Variants in FFAR4 observed in about 807,000 individuals in gnomAD.
FFAR4 encodes free fatty acid receptor 4.
Under a neutral mutation model 27.0 loss-of-function variants are expected in FFAR4, and 19 were observed. The observed-to-expected ratio is 0.70, with a 90% CI of 0.49 to 1.03. FFAR4 has a LOEUF of 1.03. Among genes scored for constraint, FFAR4 ranks in the 50% least tolerant of loss-of-function variants. The pLI is 0.00. For synonymous variants in FFAR4, 254 were observed against 215.6 expected (o/e 1.18, Z -1.56); for missense variants, 476 against 479.0 (o/e 0.99, Z 0.06).
rs2058098970 is a variant in FFAR4 at position 93,566,831 on chromosome 10, G to C, written c.111G>C (p.Leu37=). Residue 37 remains leucine (L), a synonymous_variant, in exon 1 of 3, where the codon CTG becomes CTC. Transcript: ENST00000371481. Reference sequence around the variant, plus strand: ...CCGACGTCAAGGGCGACCACCGGCTGGTGCTGGCCGCGGTGGAGACAACCG... The same window carrying C: ...CCGACGTCAAGGGCGACCACCGGCTCGTGCTGGCCGCGGTGGAGACAACCG... The part of the protein sequence containing the change: ...FFSDVKGDHR[L]VLAAVETTVL... 6.2e-7 allele frequency: 1 copy of C among 1,601,956 alleles called. No individual in the cohort carries two copies. Among genetic ancestry groups the C allele is most frequent in the Non-Finnish European group, 8.5e-7 (1 of 1,175,928 alleles).
chr10:93,587,246 C>T lies in FFAR4; in HGVS notation c.723C>T (p.Leu241=), dbSNP rs2058233250. 6.2e-7 allele frequency: 1 copy of T among 1,613,942 alleles called. No homozygotes were observed. Among genetic ancestry groups the T allele is most frequent in the Non-Finnish European group, 8.5e-7 (1 of 1,179,888 alleles). The change falls in exon 3 of 3, where the codon CTC becomes CTT. Residue 241 remains leucine, a synonymous_variant. Coordinates refer to ENST00000371481, the MANE Select transcript of FFAR4 (RefSeq NM_001195755.2). ...LQITKASRKR[L]TVSLAYSESH... is the part of the protein sequence containing the mutation. ...TCACAAAGGCATCAAGGAAGAGGCT[C>T]ACGGTAAGCCTGGCCTACTCGGAGA...
rs1272090858 is a variant in FFAR4 at position 93,587,929 on chromosome 10, AT to A, written c.*321del. 2 of 187,228 alleles carry A rather than the reference AT, an allele frequency of 1.1e-5. No homozygotes were observed. Among genetic ancestry groups the A allele is most frequent in the Non-Finnish European group, 1.1e-5 (1 of 89,334 alleles). The allele number at this position is 187,228 out of a possible 1,614,324, so 11.6% of individuals were successfully genotyped here. On this transcript the variant is annotated 3_prime_UTR_variant, in exon 3 of 3. Transcript: ENST00000371481. The stretch of plus-strand genomic sequence containing the variant: ...GGTGAGACCCCCGTCTCTACTAAAA[AT>A]AAAAAAAAAAATTAGCTGGGAGTGG...
chr10:93,584,597 T>C (rs36039923), intron 2 of FFAR4, among the ~76,000 whole-genome samples: 2 of 152,188 alleles, frequency 1.3e-5, no homozygotes, highest in Non-Finnish European at 2.9e-5. Flanking sequence ...TCACTCAGCA[T>C]CTGTTGCCCT....
rs574845459 is a variant in FFAR4 at position 93,588,207 on chromosome 10, T to A, written c.*598T>A. 6.6e-6 allele frequency: 1 copy of A among 152,470 alleles called. No homozygotes were observed. Among genetic ancestry groups the A allele is most frequent in the South Asian group, 2.1e-4 (1 of 4,838 alleles). The allele number at this position is 152,470 out of a possible 1,614,324, so 9.4% of individuals were successfully genotyped here. On this transcript the variant is annotated 3_prime_UTR_variant, in exon 3 of 3. Transcript: ENST00000371481. The stretch of plus-strand genomic sequence containing the variant: ...TATTTATGACTGTTCAGCAATCACA[T>A]CTCCTACATATAAAGCCACACCATA...
At chr10:93,570,443 G>C (rs2058125598) in intron 1 of FFAR4, among the ~76,000 whole-genome samples, 1 of 151,168 alleles carries the variant, frequency 6.6e-6, no homozygotes, top group Non-Finnish European at 1.5e-5. Flanking sequence ...AATTAGCAAA[G>C]GCTTGTTTTC....
At chr10:93,581,111 C>T (rs1030923329) in intron 2 of FFAR4, among the ~76,000 whole-genome samples, 3 of 152,200 alleles carry the variant, frequency 2.0e-5, no homozygotes, top group African/African-American at 7.2e-5. Flanking sequence ...GGTGGAGCTG[C>T]CTTGCTTATT....
intron 1 of FFAR4, among the ~76,000 whole-genome samples, chr10:93,568,863 G>A (rs1400294122): frequency 3.3e-5 from 5 of 152,166 alleles, no homozygotes; most frequent in Admixed American, 6.5e-5. Context: ...GCCCCATCAA[G>A]CCTGTGGCAC....
chr10:93,569,321 A>C (rs1405178119), intron 1 of FFAR4, among the ~76,000 whole-genome samples: 1 of 152,196 alleles, frequency 6.6e-6, no homozygotes, highest in African/African-American at 2.4e-5. Flanking sequence ...TAATTGGCAA[A>C]TGACATTAAA....
Position 93,566,754 on chromosome 10 carries a change from G to A in FFAR4, c.34G>A (p.Ala12Thr). 1 of 1,603,802 alleles carries A rather than the reference G, an allele frequency of 6.2e-7. No homozygotes were observed. The highest frequency in any genetic ancestry group is 8.5e-7 in the Non-Finnish European group (1 of 1,177,724). ...SPECARAAGD[A>T]PLRSLEQANR... ...TGAATGCGCGCGGGCAGCGGGCGAC[G>A]CGCCCTTGCGCAGCCTGGAGCAAGC... The change falls in exon 1 of 3, where the codon GCG becomes ACG. Residue 12 changes from alanine to threonine, a missense_variant. Coordinates refer to ENST00000371481, the MANE Select transcript of FFAR4 (RefSeq NM_001195755.2).
rs771822850 is a variant in FFAR4 at position 93,588,600 on chromosome 10, A to C, written c.*991A>C. The C allele has an allele frequency of 2.6e-5, 4 of 152,240 alleles. No homozygotes were observed. Among genetic ancestry groups the C allele is most frequent in the Non-Finnish European group, 2.9e-5 (2 of 68,060 alleles). The allele number at this position is 152,240 out of a possible 1,614,324, so 9.4% of individuals were successfully genotyped here. A position where few individuals can be genotyped will look rare whatever the true frequency, so the allele number is the denominator to read the frequency against. On this transcript the variant is annotated 3_prime_UTR_variant, in exon 3 of 3. Coordinates refer to ENST00000371481, the MANE Select transcript of FFAR4 (RefSeq NM_001195755.2). Reference sequence around the variant, plus strand: ...TGTGCTAGGAATACAGTGGTGAACCAGACAGCCATGGCCCTCTCTCAGGGA... The same window carrying C: ...TGTGCTAGGAATACAGTGGTGAACCCGACAGCCATGGCCCTCTCTCAGGGA...
At chr10:93,580,222 G>A (rs1295196990) in intron 2 of FFAR4, among the ~76,000 whole-genome samples, 1 of 152,158 alleles carries the variant, frequency 6.6e-6, no homozygotes, top group African/African-American at 2.4e-5. Context: ...GTGAAGCTTG[G>A]TTTTACATAA....
chr10:93,583,930 G>T (rs960575966), intron 2 of FFAR4, among the ~76,000 whole-genome samples: 1 of 152,212 alleles, frequency 6.6e-6, no homozygotes, highest in African/African-American at 2.4e-5. Flanking sequence ...GTACATTGTC[G>T]CCCTTCTTAG....
chr10:93,582,023 C>A (rs1030378981), intron 2 of FFAR4, among the ~76,000 whole-genome samples: 5 of 152,158 alleles, frequency 3.3e-5, no homozygotes, highest in African/African-American at 1.2e-4. Context: ...TAGGATTAAT[C>A]CTCAAAAGTT....
intron 1 of FFAR4, among the ~76,000 whole-genome samples, chr10:93,571,739 T>C (rs1404169268): frequency 6.6e-6 from 1 of 152,188 alleles, no homozygotes; most frequent in Non-Finnish European, 1.5e-5. Flanking sequence ...TAATATTTTC[T>C]CTCTTTTTTG....
At position 93,587,582 on chromosome 10, in the gene FFAR4, A is replaced by G. The variant is rs2058236756; in HGVS notation, c.1059A>G (p.Arg353=). ...GAILTDTSVK[R]NDLSIISG ...TTTTAACAGACACATCTGTCAAAAG[A>G]AATGACTTGTCGATTATTTCTGGCT... Residue 353 remains arginine (R), a synonymous_variant, in exon 3 of 3, where the codon AGA becomes AGG. Coordinates refer to ENST00000371481, the MANE Select transcript of FFAR4 (RefSeq NM_001195755.2). 1 of 1,613,252 alleles carries G rather than the reference A, an allele frequency of 6.2e-7. No homozygotes were observed. Among genetic ancestry groups the G allele is most frequent in the Non-Finnish European group, 8.5e-7 (1 of 1,179,718 alleles).
At chr10:93,586,489 T>G (rs1400354769) in intron 2 of FFAR4, among the ~76,000 whole-genome samples, 3 of 152,132 alleles carry the variant, frequency 2.0e-5, no homozygotes, top group Admixed American at 1.3e-4. Flanking sequence ...GGGAAGAGTA[T>G]GCACACTGCT....
intron 2 of FFAR4, among the ~76,000 whole-genome samples, chr10:93,585,108 C>T (rs1264581907): frequency 6.6e-6 from 1 of 152,224 alleles, no homozygotes; most frequent in Admixed American, 6.5e-5. Flanking sequence ...ATTACTCCCC[C>T]TCTTGAGATT....
intron 1 of FFAR4, among the ~76,000 whole-genome samples, chr10:93,569,953 G>A (rs1159119644): frequency 6.6e-6 from 1 of 151,868 alleles, no homozygotes; most frequent in Non-Finnish European, 1.5e-5. Flanking sequence ...CAGCTACAAG[G>A]GAGGCTGAGG....
intron 1 of FFAR4, among the ~76,000 whole-genome samples, chr10:93,574,096 T>A (rs900961279): frequency 6.6e-6 from 1 of 152,176 alleles, no homozygotes; most frequent in Non-Finnish European, 1.5e-5. Flanking sequence ...AGAGAAAGTG[T>A]GTGTGTGCGT....
Sources: allele counts gnomAD v4.1 joint callset (sites outside exome capture counted in the v4.1 genomes callset), GRCh38; gene constraint gnomAD v4.1.1; transcripts MANE v1.5; gene names NCBI Gene and HGNC (gene_info 2026-07-23, HGNC 2026-07-21).